PLAC8L1: variants seen among roughly 807,000 people sequenced by gnomAD.
PLAC8L1 encodes PLAC8-like protein 1.
In PLAC8L1, 13 loss-of-function variants were observed where a neutral mutation model predicts 16.3. The observed-to-expected ratio is 0.80, with a 90% CI of 0.52 to 1.27. The LOEUF is 1.27. PLAC8L1 is among the 50% of genes most tolerant of loss of function. The pLI is 0.00. For synonymous variants in PLAC8L1, 78 were observed against 79.3 expected (o/e 0.98, Z 0.09); for missense variants, 184 against 220.2 (o/e 0.84, Z 1.04).
rs191888571 is a variant in PLAC8L1 at position 146,096,956 on chromosome 5, C to T, written c.256+1200G>A. ...ACTCTCAGCTGAATGAGGACTTGCT[C>T]AGAGTTCTCTGGTTGATATGTCCTG... On this transcript the variant is annotated intron_variant, in intron 2 of 3. Transcript: ENST00000311450. 1.9e-4 allele frequency among the ~76,000 whole-genome samples: 29 copies of T among 152,308 alleles called. No homozygotes were observed. In the East Asian group the frequency reaches 5.6e-3, roughly 29 times the overall value.
chr5:146,096,162 T>C (rs563499658), intron 2 of PLAC8L1, among the ~76,000 whole-genome samples: 45 of 152,302 alleles, frequency 3.0e-4, no homozygotes, highest in Admixed American at 1.4e-3. Context: ...TGGGGGTTGC[T>C]GGCAATCGTT....
chr5:146,087,234 G>A (rs1763532121), intron 2 of PLAC8L1, among the ~76,000 whole-genome samples: 1 of 152,080 alleles, frequency 6.6e-6, no homozygotes, highest in Non-Finnish European at 1.5e-5. Flanking sequence ...ATATTCCATT[G>A]TATGAATATT....
At chr5:146,088,877 T>C (rs1020010249) in intron 2 of PLAC8L1, among the ~76,000 whole-genome samples, 3 of 152,134 alleles carry the variant, frequency 2.0e-5, no homozygotes, top group Admixed American at 6.6e-5. Flanking sequence ...TATGCAACCT[T>C]GAATTAGGGG....
chr5:146,090,470 G>A (rs1328755123), intron 2 of PLAC8L1, among the ~76,000 whole-genome samples: 1 of 152,040 alleles, frequency 6.6e-6, no homozygotes, highest in Non-Finnish European at 1.5e-5. Flanking sequence ...GAGAGGTGGA[G>A]GTTGCCATGA....
chr5:146,090,100 T>C (rs375673247), intron 2 of PLAC8L1, among the ~76,000 whole-genome samples: 1 of 152,074 alleles, frequency 6.6e-6, no homozygotes, highest in African/African-American at 2.4e-5. Flanking sequence ...AGGAATGCAG[T>C]GGGATATGGA....
intron 2 of PLAC8L1, among the ~76,000 whole-genome samples, chr5:146,097,137 G>T (rs1264786322): frequency 1.3e-5 from 2 of 152,134 alleles, no homozygotes; most frequent in African/African-American, 4.8e-5. Context: ...TGATCCAATT[G>T]CTCCCTAGGG....
At chr5:146,092,398 T>C (rs2150035188) in intron 2 of PLAC8L1, among the ~76,000 whole-genome samples, 1 of 152,296 alleles carries the variant, frequency 6.6e-6, no homozygotes, top group South Asian at 2.1e-4. Context: ...CTCACACACA[T>C]GCAAAATGAC....
chr5:146,098,085 G>C (rs1265780027), intron 2 of PLAC8L1, 71 bp downstream of exon 2: 1 of 1,504,008 alleles, frequency 6.6e-7, no homozygotes, highest in Non-Finnish European at 9.1e-7. Flanking sequence ...GCCTGCTGTA[G>C]GTTTTCCACT....
At position 146,098,251 on chromosome 5, in the gene PLAC8L1, C is replaced by T. The variant is rs144848795; in HGVS notation, c.161G>A (p.Arg54Gln). 80 of 1,614,020 alleles carry T rather than the reference C, an allele frequency of 5.0e-5. No individual in the cohort carries two copies. The African/African-American group carries it at 6.8e-4, about 14-fold the overall frequency. ...PASAVVKQPV[R>Q]GASGRTTITA... is the part of the protein sequence containing the mutation. ...GATTGTCGTCCTGCCACTGGCTCCC[C>T]GAACAGGCTGCTTCACCACAGCGCT... Residue 54 changes from arginine (R) to glutamine (Q), a missense_variant, in exon 2 of 4, where the codon CGG (arginine) becomes CAG (glutamine). Transcript: ENST00000311450.
chr5:146,105,577 GC>G (rs1561787611), upstream of PLAC8L1, among the ~76,000 whole-genome samples: 1 of 22,274 alleles, frequency 4.5e-5, no homozygotes, highest in African/African-American at 1.4e-4. Context: ...TACTAGCTTT[GC>G]AAAAAAAAAA....
At chr5:146,098,920 A>G (rs768529637) in intron 1 of PLAC8L1, among the ~76,000 whole-genome samples, 1 of 152,208 alleles carries the variant, frequency 6.6e-6, no homozygotes, top group African/African-American at 2.4e-5. Flanking sequence ...TTGATATCAA[A>G]TTACTGTATG....
Position 146,104,326 on chromosome 5 carries a change from T to G in PLAC8L1, c.-15A>C. The G allele has an allele frequency of 6.3e-7, 1 of 1,586,700 alleles. No homozygotes were observed. Among genetic ancestry groups the G allele is most frequent in the Non-Finnish European group, 8.7e-7 (1 of 1,155,118 alleles). ...AACCAATTCATAGTGAGAAGTGTTT[T>G]CTTGTCCTTTGGGCTATCCTTTTTC... On this transcript the variant is annotated 5_prime_UTR_variant, in exon 1 of 4. Transcript: ENST00000311450.
chr5:146,104,549 T>C lies in PLAC8L1; in HGVS notation c.-238A>G, dbSNP rs1763877479. The C allele has an allele frequency of 1.4e-5, 5 of 357,278 alleles. No homozygotes were observed. Among genetic ancestry groups the C allele is most frequent in the African/African-American group, 8.6e-5 (4 of 46,768 alleles). The allele number at this position is 357,278 out of a possible 1,614,324, so 22.1% of individuals were successfully genotyped here. Reference sequence around the variant, plus strand: ...TCTGTAGGGAGATATTGCTGGAGTATAGAGTAAATAGAAGAAAAAGACTTA... The same window carrying C: ...TCTGTAGGGAGATATTGCTGGAGTACAGAGTAAATAGAAGAAAAAGACTTA... On this transcript the variant is annotated 5_prime_UTR_variant, in exon 1 of 4. Transcript: ENST00000311450.
chr5:146,087,220 A>C (rs758261950), intron 2 of PLAC8L1, among the ~76,000 whole-genome samples: 1 of 152,218 alleles, frequency 6.6e-6, no homozygotes, highest in African/African-American at 2.4e-5. Context: ...TTTAGAGTTG[A>C]GCCATATTCC....
chr5:146,102,540 G>C (rs1156543115), intron 1 of PLAC8L1, among the ~76,000 whole-genome samples: 1 of 152,160 alleles, frequency 6.6e-6, no homozygotes, highest in African/African-American at 2.4e-5. Context: ...AGTAGCTCCT[G>C]TAGCTTCCTA....
chr5:146,098,647 A>C (rs538295273), intron 1 of PLAC8L1, among the ~76,000 whole-genome samples: 48 of 152,264 alleles, frequency 3.2e-4, no homozygotes, highest in Admixed American at 2.6e-3. Context: ...AAATGACTTT[A>C]CCTCTCTGCT....
At chr5:146,088,160 A>G (rs936173749) in intron 2 of PLAC8L1, among the ~76,000 whole-genome samples, 4 of 152,090 alleles carry the variant, frequency 2.6e-5, no homozygotes, top group African/African-American at 9.7e-5. Flanking sequence ...TTTTGTAGAG[A>G]TGGGGTCTCC....
intron 2 of PLAC8L1, among the ~76,000 whole-genome samples, chr5:146,091,270 T>C (rs1197098245): frequency 2.0e-5 from 3 of 152,184 alleles, no homozygotes; most frequent in African/African-American, 7.2e-5. Flanking sequence ...GGTACAAGAA[T>C]AGTCATTGCA....
intron 1 of PLAC8L1, among the ~76,000 whole-genome samples, chr5:146,102,006 T>G (rs1439156258): frequency 6.6e-6 from 1 of 150,746 alleles, no homozygotes; most frequent in South Asian, 2.1e-4. Flanking sequence ...TTTTCCTTAA[T>G]GGAAAAAGAA....
Sources: gnomAD v4.1 joint callset for allele counts (sites outside exome capture counted in the v4.1 genomes callset) on GRCh38, gnomAD v4.1.1 for gene constraint, MANE v1.5 for transcripts, NCBI Gene and HGNC (gene_info 2026-07-23, HGNC 2026-07-21) for gene names.